Variants in P2RX5 observed in about 807,000 individuals in gnomAD.
P2RX5 encodes the protein purinergic receptor P2X 5, also known as P2X purinoceptor 5.
P2RX5 carries 46 observed loss-of-function variants against 54.1 expected under a neutral mutation model. The ratio of observed to expected loss-of-function variants is 0.85; its 90% CI spans 0.67 to 1.09. The LOEUF (loss-of-function observed/expected upper bound fraction) is 1.09. Ranked by LOEUF, P2RX5 falls within the 50% of genes least tolerant of loss-of-function variation. The pLI is 0.00. For synonymous variants in P2RX5, 226 were observed against 226.4 expected (o/e 1.00, Z 0.02); for missense variants, 566 against 549.8 (o/e 1.03, Z -0.29).
intron 11 of P2RX5, chr17:3,677,256 C>T: frequency 1.0e-6 from 1 of 985,342 alleles, no homozygotes; most frequent in Non-Finnish European, 1.2e-6. Context: ...CAGGCCCAGC[C>T]TCTGAGGAGG....
rs1597278411 is a variant in P2RX5, at chr17:3,696,059, A to G, written c.-54T>C. The G allele has an allele frequency of 5.6e-6, 9 of 1,601,342 alleles. No individual in the cohort carries two copies. The East Asian group carries it at 2.0e-4, about 36-fold the overall frequency. On this transcript the variant is annotated 5_prime_UTR_variant, in exon 1 of 12. Coordinates refer to ENST00000225328, the MANE Select transcript of P2RX5 (RefSeq NM_002561.4). ...GCCCGGCCCACGTGCGCTCATGGGG[A>G]GCACTCGGTCCCTCGGTCCCTGCGC...
the P2RX5 span, chr17:3,716,846 G>A: frequency 3.9e-6 from 4 of 1,025,842 alleles, no homozygotes; most frequent in Middle Eastern, 4.1e-4. Context: ...AAGCAAACAA[G>A]GAAAAAATCC....
At chr17:3,720,564 T>C in the P2RX5 span, 1 of 483,608 alleles carries the variant, frequency 2.1e-6, no homozygotes, top group Non-Finnish European at 3.7e-6. Context: ...ACAAGACATC[T>C]GCAGTTATTC....
At chr17:3,700,440 G>A (rs1371687502), upstream of P2RX5, among the ~76,000 whole-genome samples, 1 of 152,038 alleles carries the variant, frequency 6.6e-6, no homozygotes, top group Non-Finnish European at 1.5e-5. Flanking sequence ...GGCTGAGGCA[G>A]GAGAATCGCT....
At chr17:3,689,847 C>G (rs1407340054) in intron 6 of P2RX5, among the ~76,000 whole-genome samples, 5 of 152,234 alleles carry the variant, frequency 3.3e-5, no homozygotes, top group Non-Finnish European at 7.3e-5. Context: ...CACACGCACA[C>G]ACGCGTGCAC....
At chr17:3,681,400 T>C (rs1214960608) in intron 10 of P2RX5, among the ~76,000 whole-genome samples, 1 of 152,040 alleles carries the variant, frequency 6.6e-6, no homozygotes, top group Non-Finnish European at 1.5e-5. Flanking sequence ...ACCCACGCTG[T>C]GCTCTGCCGC....
chr17:3,711,588 G>C, the P2RX5 span, among the ~76,000 whole-genome samples: 1 of 151,956 alleles, frequency 6.6e-6, no homozygotes, highest in South Asian at 2.1e-4. Context: ...CTCCATGTTG[G>C]TCAGGCTGCT....
chr17:3,701,696 GA>G, the P2RX5 span, among the ~76,000 whole-genome samples: 19 of 73,430 alleles, frequency 2.6e-4, no homozygotes, highest in African/African-American at 1.1e-3. Context: ...CTCTGTCTCA[GA>G]AAAAAAAAAA....
At chr17:3,703,809 T>A in the P2RX5 span, among the ~76,000 whole-genome samples, 132,200 of 152,056 alleles carry the variant, frequency 0.87, 60,486 homozygotes, top group East Asian at 1. Flanking sequence ...AAACAACATT[T>A]AAAAACCCCA....
chr17:3,702,905 G>A, the P2RX5 span, among the ~76,000 whole-genome samples: 3 of 152,154 alleles, frequency 2.0e-5, no homozygotes, highest in Non-Finnish European at 4.4e-5. Flanking sequence ...ATTGTGGTCT[G>A]GACCCACTCT....
intron 6 of P2RX5, 97 bp downstream of exon 6, chr17:3,689,973 C>A: frequency 9.5e-7 from 1 of 1,053,114 alleles, no homozygotes; most frequent in Non-Finnish European, 1.5e-6. Context: ...CACACACGCG[C>A]GCACACACAC....
chr17:3,692,419 C>A (rs1174021417), intron 1 of P2RX5, among the ~76,000 whole-genome samples: 1 of 152,162 alleles, frequency 6.6e-6, no homozygotes, highest in Admixed American at 6.6e-5. Flanking sequence ...GTTTGGTGAC[C>A]CCAGGCAAGC....
intron 1 of P2RX5, chr17:3,692,141 CAAAAA>C: frequency 1.4e-5 from 2 of 142,908 alleles, no homozygotes; most frequent in South Asian, 1.5e-4. Context: ...TGTCTCTACT[CAAAAA>C]AAAAAAAAAA....
intron 3 of P2RX5, 67 bp from the exon 4 acceptor site, chr17:3,690,747 G>A (rs2050591581): frequency 1.3e-6 from 2 of 1,506,298 alleles, no homozygotes; most frequent in Non-Finnish European, 1.8e-6. Flanking sequence ...CCCACTCCAG[G>A]AGATAGAATA....
intron 11 of P2RX5, chr17:3,677,090 C>T: frequency 1.0e-6 from 1 of 985,256 alleles, no homozygotes. Flanking sequence ...AAAGCAAGGC[C>T]CTACAGCGAT....
chr17:3,696,033 C>T lies in P2RX5; in HGVS notation c.-28G>A. Reference sequence around the variant, plus strand: ...CGCGCTCTCAGCCGGGCTTGCGGACCGCCCGGCCCACGTGCGCTCATGGGG... The same window carrying T: ...CGCGCTCTCAGCCGGGCTTGCGGACTGCCCGGCCCACGTGCGCTCATGGGG... On this transcript the variant is annotated 5_prime_UTR_variant, in exon 1 of 12. Coordinates refer to ENST00000225328, the MANE Select transcript of P2RX5 (RefSeq NM_002561.4). 6.2e-7 allele frequency: 1 copy of T among 1,611,768 alleles called. No homozygotes were observed. Among genetic ancestry groups the T allele is most frequent in the Non-Finnish European group, 8.5e-7 (1 of 1,178,896 alleles).
the P2RX5 span, among the ~76,000 whole-genome samples, chr17:3,708,278 A>G: frequency 2.6e-5 from 4 of 152,280 alleles, no homozygotes; most frequent in Non-Finnish European, 5.9e-5. Flanking sequence ...TTTGGAGAGC[A>G]CATGGCTCTC....
the P2RX5 span, among the ~76,000 whole-genome samples, chr17:3,709,247 A>C: frequency 6.6e-6 from 1 of 152,160 alleles, no homozygotes; most frequent in African/African-American, 2.4e-5. Flanking sequence ...TTGGAAAGAT[A>C]CACGTTAAAC....
chr17:3,678,274 A>G (rs1407277139), intron 11 of P2RX5: 2 of 181,378 alleles, frequency 1.1e-5, no homozygotes, highest in Non-Finnish European at 2.1e-5. Context: ...ACAGCCTGCC[A>G]GGGTTCCTGC....
Sources: gnomAD v4.1 joint callset for allele counts (sites outside exome capture counted in the v4.1 genomes callset) on GRCh38, gnomAD v4.1.1 for gene constraint, MANE v1.5 for transcripts, NCBI Gene and HGNC (gene_info 2026-07-23, HGNC 2026-07-21) for gene names.